KCTD16: variants seen among roughly 807,000 people sequenced by gnomAD.
KCTD16 encodes the protein potassium channel tetramerization domain containing 16, also known as BTB/POZ domain-containing protein KCTD16.
Under a neutral mutation model 33.2 loss-of-function variants are expected in KCTD16, and 13 were observed. That is an observed-to-expected ratio of 0.39 (90% CI 0.25 to 0.62). The LOEUF is 0.62. Ranked by LOEUF, KCTD16 falls within the 20% of genes least tolerant of loss-of-function variation. The pLI, the probability that KCTD16 is intolerant of heterozygous loss-of-function variation, is 0.50. For synonymous variants in KCTD16, 197 were observed against 195.3 expected, an observed-to-expected ratio of 1.01 and a Z score of -0.07; for missense variants, 441 against 525.1, an observed-to-expected ratio of 0.84 and a Z score of 1.57.
chr5:144,274,063 A>T (rs1755378437), intron 3 of KCTD16, among the ~76,000 whole-genome samples: 1 of 151,218 alleles, frequency 6.6e-6, no homozygotes, highest in Admixed American at 6.6e-5. Context: ...AAAAAAATCC[A>T]CTTGGGCATT....
At chr5:144,215,810 A>C (rs991830930) in intron 3 of KCTD16, among the ~76,000 whole-genome samples, 1 of 152,236 alleles carries the variant, frequency 6.6e-6, no homozygotes, top group Non-Finnish European at 1.5e-5. Context: ...GATTCTTTCT[A>C]ATAGTCCTTT....
chr5:144,310,322 C>T (rs1395702557), intron 3 of KCTD16, among the ~76,000 whole-genome samples: 1 of 152,014 alleles, frequency 6.6e-6, no homozygotes, highest in Non-Finnish European at 1.5e-5. Flanking sequence ...TATGTTTATT[C>T]CATATTTTTG....
At chr5:144,174,018 G>T (rs998134769) in intron 1 of KCTD16, among the ~76,000 whole-genome samples, 1 of 151,814 alleles carries the variant, frequency 6.6e-6, no homozygotes, top group Non-Finnish European at 1.5e-5. Context: ...CACCCAGCTG[G>T]CTTTATTAGG....
intron 3 of KCTD16, among the ~76,000 whole-genome samples, chr5:144,353,305 C>T (rs370794494): frequency 7.9e-5 from 12 of 152,216 alleles, no homozygotes; most frequent in East Asian, 1.9e-4. Flanking sequence ...AACATAGACA[C>T]GATTTTCCAG....
chr5:144,361,461 G>C (rs1751711395), intron 3 of KCTD16, among the ~76,000 whole-genome samples: 1 of 152,120 alleles, frequency 6.6e-6, no homozygotes, highest in African/African-American at 2.4e-5. Flanking sequence ...TGAATGATAA[G>C]TTGCAAAGTA....
At chr5:144,248,441 T>C (rs894333814) in intron 3 of KCTD16, among the ~76,000 whole-genome samples, 4 of 152,202 alleles carry the variant, frequency 2.6e-5, no homozygotes, top group African/African-American at 9.7e-5. Context: ...GCAAGTGAAC[T>C]AAATACTGTC....
In KCTD16 at chr5:144,292,094, A is replaced by G. The variant is rs117723233; in HGVS notation, c.832+84548A>G. 1.3e-3 allele frequency among the ~76,000 whole-genome samples: 198 copies of G among 152,264 alleles called. 2 individuals are homozygous for G. The East Asian group carries it at 0.031, about 24-fold the overall frequency. Reference sequence around the variant, plus strand: ...ATTTTATGCATTTAAAAATCTTATTATGAGAAAAAGTTGGAGGGCTCTTCA... The same window carrying G: ...ATTTTATGCATTTAAAAATCTTATTGTGAGAAAAAGTTGGAGGGCTCTTCA... On this transcript the variant is annotated intron_variant, in intron 3 of 3. Transcript: ENST00000512467.
intron 3 of KCTD16, among the ~76,000 whole-genome samples, chr5:144,360,167 C>A (rs560991826): frequency 6.6e-6 from 1 of 151,946 alleles, no homozygotes; most frequent in Non-Finnish European, 1.5e-5. Context: ...TAGGTATACA[C>A]GTGCCATGGT....
chr5:144,276,914 AG>A (rs1186055620), intron 3 of KCTD16, among the ~76,000 whole-genome samples: 2 of 151,906 alleles, frequency 1.3e-5, no homozygotes, highest in African/African-American at 4.8e-5. Context: ...AAAAAAAAAA[AG>A]AAACTCCATC....
chr5:144,361,979 A>G (rs1408095784), intron 3 of KCTD16, among the ~76,000 whole-genome samples: 1 of 150,730 alleles, frequency 6.6e-6, no homozygotes, highest in African/African-American at 2.4e-5. Flanking sequence ...TTTCTGGGGA[A>G]GTCACTTAAC....
chr5:144,172,858 G>A (rs1436315189), intron 1 of KCTD16, among the ~76,000 whole-genome samples: 1 of 151,896 alleles, frequency 6.6e-6, no homozygotes, highest in African/African-American at 2.4e-5. Flanking sequence ...TTAATCTTAT[G>A]GTTAAAAAAA....
chr5:144,364,774 A>G (rs1349125982), intron 3 of KCTD16, among the ~76,000 whole-genome samples: 2 of 152,212 alleles, frequency 1.3e-5, no homozygotes, highest in Non-Finnish European at 2.9e-5. Context: ...TTCCAAGTAA[A>G]ACAACAGAAG....
intron 3 of KCTD16, among the ~76,000 whole-genome samples, chr5:144,311,505 T>A (rs926155940): frequency 3.9e-5 from 6 of 152,168 alleles, no homozygotes; most frequent in African/African-American, 1.2e-4. Context: ...GATATAGATA[T>A]CAAGAGGTGT....
intron 3 of KCTD16, among the ~76,000 whole-genome samples, chr5:144,299,140 A>G (rs1239242833): frequency 3.7e-5 from 1 of 27,032 alleles, no homozygotes; most frequent in Non-Finnish European, 5.6e-5. Flanking sequence ...ATATATATAT[A>G]TATATATATT....
chr5:144,314,746 G>T (rs955513090), intron 3 of KCTD16, among the ~76,000 whole-genome samples: 2 of 152,090 alleles, frequency 1.3e-5, no homozygotes, highest in African/African-American at 4.8e-5. Flanking sequence ...CTTATCCACC[G>T]AACTGCTCTT....
chr5:144,363,072 C>A (rs1751751353), intron 3 of KCTD16, among the ~76,000 whole-genome samples: 1 of 152,132 alleles, frequency 6.6e-6, no homozygotes, highest in Non-Finnish European at 1.5e-5. Flanking sequence ...GTTTTATATG[C>A]CAGGCACGGT....
chr5:144,193,490 A>G (rs1752882465), intron 2 of KCTD16, among the ~76,000 whole-genome samples: 1 of 152,112 alleles, frequency 6.6e-6, no homozygotes, highest in East Asian at 1.9e-4. Flanking sequence ...CTCAGCCTGC[A>G]GTATCAATCC....
chr5:144,381,712 A>G (rs931690399), intron 3 of KCTD16, among the ~76,000 whole-genome samples: 2 of 152,186 alleles, frequency 1.3e-5, no homozygotes, highest in African/African-American at 2.4e-5. Flanking sequence ...ATCCATCCCC[A>G]TGATTCAAAC....
At chr5:144,221,581 T>G (rs1753755985) in intron 3 of KCTD16, among the ~76,000 whole-genome samples, 1 of 152,218 alleles carries the variant, frequency 6.6e-6, no homozygotes, top group South Asian at 2.1e-4. Flanking sequence ...TCCGTGTCCC[T>G]GCAAAGGACA....
Sources: gnomAD v4.1 joint callset for allele counts (sites outside exome capture counted in the v4.1 genomes callset) on GRCh38, gnomAD v4.1.1 for gene constraint, MANE v1.5 for transcripts, NCBI Gene and HGNC (gene_info 2026-07-23, HGNC 2026-07-21) for gene names.